The following AGBL1 variants were observed in gnomAD, a reference collection of about 807,000 sequenced individuals.
The protein encoded by AGBL1 is cytosolic carboxypeptidase 4.
AGBL1 carries 130 observed loss-of-function variants against 118.9 expected under a neutral mutation model. That is an observed-to-expected ratio of 1.09 (90% confidence interval 0.95 to 1.26). The LOEUF is 1.26. Among genes scored for constraint, AGBL1 ranks in the 50% most tolerant of loss-of-function variants. The probability of loss-of-function intolerance (pLI) is 0.00; values close to 1 mark genes in which losing one functional copy is unlikely to be tolerated. For synonymous variants in AGBL1, 555 were observed against 478.9 expected (o/e 1.16, Z -2.08); for missense variants, 1,584 against 1,298.1 (o/e 1.22, Z -3.38).
chr15:86,231,140 GT>G (rs531177645), intron 6 of AGBL1, among the ~76,000 whole-genome samples: 3 of 151,982 alleles, frequency 2.0e-5, no homozygotes, highest in African/African-American at 4.8e-5. Context: ...GATGAATCAT[GT>G]TTTTTTTGCA....
intron 18 of AGBL1, among the ~76,000 whole-genome samples, chr15:86,477,089 G>A (rs1319663384): frequency 6.6e-6 from 1 of 152,162 alleles, no homozygotes; most frequent in East Asian, 1.9e-4. Flanking sequence ...GCAGTGTGTA[G>A]AGGGAAATTT....
At chr15:86,793,752 A>G (rs1378594690) in intron 22 of AGBL1, among the ~76,000 whole-genome samples, 1 of 152,226 alleles carries the variant, frequency 6.6e-6, no homozygotes, top group East Asian at 1.9e-4. Context: ...TATACATTCA[A>G]CAACAAAAAG....
At chr15:86,423,738 A>G (rs1322711208) in intron 18 of AGBL1, among the ~76,000 whole-genome samples, 1 of 152,194 alleles carries the variant, frequency 6.6e-6, no homozygotes, top group South Asian at 2.1e-4. Context: ...CCTATACACC[A>G]ATAACAGACA....
chr15:86,317,355 A>C (rs1187729297), intron 17 of AGBL1, among the ~76,000 whole-genome samples: 1 of 152,230 alleles, frequency 6.6e-6, no homozygotes, highest in African/African-American at 2.4e-5. Context: ...CTATCCGCAC[A>C]GAGATTTCCT....
At chr15:86,204,310 C>T (rs895963837) in intron 5 of AGBL1, among the ~76,000 whole-genome samples, 18 of 152,184 alleles carry the variant, frequency 1.2e-4, no homozygotes, top group African/African-American at 4.3e-4. Flanking sequence ...TCCTGGTATT[C>T]TTTAATTTTT....
chr15:86,231,116 A>G (rs1421279308), intron 6 of AGBL1, among the ~76,000 whole-genome samples: 1 of 152,194 alleles, frequency 6.6e-6, no homozygotes, highest in Non-Finnish European at 1.5e-5. Context: ...CAGAGAACTA[A>G]CCATACTGTA....
intron 22 of AGBL1, among the ~76,000 whole-genome samples, chr15:86,705,459 A>G (rs563030370): frequency 1.3e-5 from 2 of 152,296 alleles, no homozygotes; most frequent in Admixed American, 1.3e-4. Flanking sequence ...AGTTATGGTG[A>G]AAATCAATCT....
intron 22 of AGBL1, among the ~76,000 whole-genome samples, chr15:86,809,048 T>C (rs1567183876): frequency 6.6e-6 from 1 of 152,008 alleles, no homozygotes; most frequent in East Asian, 1.9e-4. Context: ...TATGAATATC[T>C]AAAAAAAGGA....
chr15:86,875,410 T>C (rs777917872), intron 22 of AGBL1, among the ~76,000 whole-genome samples: 1 of 152,224 alleles, frequency 6.6e-6, no homozygotes, highest in Admixed American at 6.5e-5. Flanking sequence ...AATTGGATTT[T>C]TTTTAAAAAA....
intron 7 of AGBL1, among the ~76,000 whole-genome samples, chr15:86,251,289 C>G (rs555763728): frequency 2.2e-4 from 33 of 152,286 alleles, no homozygotes; most frequent in African/African-American, 7.9e-4. Context: ...GCCCACTGTA[C>G]CAGCAGCTCC....
At chr15:86,526,597 A>G (rs1332060754) in intron 19 of AGBL1, among the ~76,000 whole-genome samples, 8 of 147,124 alleles carry the variant, frequency 5.4e-5, no homozygotes, top group Non-Finnish European at 1.5e-5. Flanking sequence ...ATATATGTAT[A>G]TAGTGTATAT....
chr15:86,319,855 C>G (rs980836700), intron 17 of AGBL1, among the ~76,000 whole-genome samples: 3 of 138,434 alleles, frequency 2.2e-5, no homozygotes, highest in Non-Finnish European at 4.5e-5. Context: ...CTCCTGGGTT[C>G]AAGTGATTCT....
chr15:86,217,182 A>G (rs538568458), intron 5 of AGBL1, among the ~76,000 whole-genome samples: 18 of 152,080 alleles, frequency 1.2e-4, no homozygotes, highest in African/African-American at 2.7e-4. Context: ...ACTTTTGTCT[A>G]TTGGCTATTT....
intron 21 of AGBL1, among the ~76,000 whole-genome samples, chr15:86,620,606 A>G (rs2142409584): frequency 6.6e-6 from 1 of 152,312 alleles, no homozygotes; most frequent in South Asian, 2.1e-4. Context: ...GTCCCCAGAA[A>G]TCAATCTATC....
intron 18 of AGBL1, among the ~76,000 whole-genome samples, chr15:86,420,440 C>T (rs2081771520): frequency 6.6e-6 from 1 of 152,168 alleles, no homozygotes; most frequent in Non-Finnish European, 1.5e-5. Flanking sequence ...AAGAGAACAT[C>T]CACACAGAAA....
At chr15:86,080,143 A>G in intron 1 of AGBL1, 120 bp downstream of exon 1, 1 of 689,916 alleles carries the variant, frequency 1.4e-6, no homozygotes. Context: ...GTTAACAGCA[A>G]GAGAACAGGA....
At chr15:86,543,079 G>A (rs1476930127) in intron 19 of AGBL1, among the ~76,000 whole-genome samples, 4 of 152,066 alleles carry the variant, frequency 2.6e-5, no homozygotes, top group Non-Finnish European at 5.9e-5. Flanking sequence ...TTTTTCATGT[G>A]TTCTTAGAGC....
Position 86,264,553 on chromosome 15 carries a change from C to A in AGBL1, c.1382C>A (p.Ala461Asp). 5.0e-6 allele frequency: 8 copies of A among 1,614,028 alleles called. No homozygotes were observed. Among genetic ancestry groups the A allele is most frequent in the Non-Finnish European group, 6.8e-6 (8 of 1,179,890 alleles). The change falls in exon 11 of 23, where the codon GCT becomes GAT. Residue 461 changes from alanine (A) to aspartate (D), a missense_variant. Coordinates refer to ENST00000614907, the MANE Select transcript of AGBL1 (RefSeq NM_001386094.1). ...SSESEIPDIQ[A>D]SPKADAWDVD... ...GAAAGTGAAATCCCTGACATTCAGG[C>A]TTCCCCGAAAGCAGATGCCTGGGAC...
At chr15:86,383,484 G>T (rs2081141322) in intron 17 of AGBL1, among the ~76,000 whole-genome samples, 1 of 152,088 alleles carries the variant, frequency 6.6e-6, no homozygotes, top group Non-Finnish European at 1.5e-5. Context: ...CTACTCGGGA[G>T]GCTGAGGCAG....
Sources: gnomAD v4.1 joint callset for allele counts (sites outside exome capture counted in the v4.1 genomes callset) on GRCh38, gnomAD v4.1.1 for gene constraint, MANE v1.5 for transcripts, NCBI Gene and HGNC (gene_info 2026-07-23, HGNC 2026-07-21) for gene names.